Variants in C2orf76 observed in about 807,000 individuals in gnomAD.
C2orf76 encodes chromosome 2 open reading frame 76, also known as UPF0538 protein C2orf76.
C2orf76 carries 23 observed loss-of-function variants against 16.9 expected under a neutral mutation model. The ratio of observed to expected loss-of-function variants is 1.36; its 90% CI spans 0.98 to 1.93. The LOEUF is 1.93. Among genes scored for constraint, C2orf76 ranks in the 30% most tolerant of loss-of-function variants. The pLI, the probability that C2orf76 is intolerant of heterozygous loss-of-function variation, is 0.00. For missense variants in C2orf76, 152 were observed against 152.6 expected (o/e 1.00, Z 0.02); for synonymous variants, 48 against 52.3 (o/e 0.92, Z 0.35).
At chr2:119,355,711 T>C (rs899604296) in intron 1 of C2orf76, among the ~76,000 whole-genome samples, 5 of 152,166 alleles carry the variant, frequency 3.3e-5, no homozygotes, top group Admixed American at 6.5e-5. Flanking sequence ...TGATCTCAGA[T>C]GGGACAGTTT....
intron 5 of C2orf76, among the ~76,000 whole-genome samples, chr2:119,303,538 T>C (rs908227985): frequency 2.0e-5 from 3 of 152,168 alleles, no homozygotes; most frequent in African/African-American, 7.2e-5. Flanking sequence ...AGTAAAACTC[T>C]CCAAGTCAAA....
intron 4 of C2orf76, among the ~76,000 whole-genome samples, chr2:119,315,801 A>G (rs1371664575): frequency 6.6e-6 from 1 of 152,244 alleles, no homozygotes; most frequent in East Asian, 1.9e-4. Flanking sequence ...CTAATTTTAT[A>G]ACTAGAACCT....
intron 4 of C2orf76, among the ~76,000 whole-genome samples, chr2:119,313,958 T>C (rs1213190119): frequency 6.6e-6 from 1 of 151,938 alleles, no homozygotes; most frequent in Non-Finnish European, 1.5e-5. Context: ...TTCGGCCTTT[T>C]CTGTAAGTTA....
At chr2:119,335,345 A>G (rs1679814418) in intron 2 of C2orf76, among the ~76,000 whole-genome samples, 2 of 152,168 alleles carry the variant, frequency 1.3e-5, no homozygotes, top group Non-Finnish European at 2.9e-5. Context: ...ATTTTCCACT[A>G]AAAAAGAACT....
At chr2:119,336,327 A>G (rs1481462301) in intron 2 of C2orf76, among the ~76,000 whole-genome samples, 1 of 152,168 alleles carries the variant, frequency 6.6e-6, no homozygotes, top group Non-Finnish European at 1.5e-5. Flanking sequence ...CAGGAGCCAG[A>G]GGTTGTTAGC....
At chr2:119,346,179 T>G (rs577130207) in intron 1 of C2orf76, among the ~76,000 whole-genome samples, 6 of 152,008 alleles carry the variant, frequency 3.9e-5, no homozygotes, top group African/African-American at 1.4e-4. Context: ...TTCACATACA[T>G]TGCTGGTAGG....
chr2:119,296,097 T>G, the C2orf76 span, among the ~76,000 whole-genome samples: 57 of 152,304 alleles, frequency 3.7e-4, no homozygotes, highest in Admixed American at 2.0e-3. Flanking sequence ...TGGAAAGAAA[T>G]GACAAATGTC....
chr2:119,366,566 C>G, intron 1 of C2orf76: 1 of 467,258 alleles, frequency 2.1e-6, no homozygotes, highest in Non-Finnish European at 4.4e-6. Flanking sequence ...GGGTCCCGCC[C>G]GCCATTCCCA....
intron 1 of C2orf76, among the ~76,000 whole-genome samples, chr2:119,351,293 T>TCA (rs1680394686): frequency 6.6e-6 from 1 of 152,122 alleles, no homozygotes; most frequent in African/African-American, 2.4e-5. Flanking sequence ...ATAAGGCACA[T>TCA]CACAGCCTTC....
At chr2:119,350,957 T>C (rs775297358) in intron 1 of C2orf76, among the ~76,000 whole-genome samples, 9 of 152,200 alleles carry the variant, frequency 5.9e-5, no homozygotes, top group Non-Finnish European at 1.0e-4. Flanking sequence ...ATTGTTGATG[T>C]TACACTGATC....
intron 4 of C2orf76, among the ~76,000 whole-genome samples, chr2:119,315,762 A>C (rs965770570): frequency 1.3e-5 from 2 of 152,236 alleles, no homozygotes; most frequent in Admixed American, 1.3e-4. Context: ...CCCTTAAACA[A>C]ATACATTGTT....
At chr2:119,282,783 A>C in the C2orf76 span, among the ~76,000 whole-genome samples, 2 of 152,216 alleles carry the variant, frequency 1.3e-5, no homozygotes, top group Non-Finnish European at 2.9e-5. Flanking sequence ...AACAACAAAA[A>C]GGGGAAGAGA....
intron 5 of C2orf76, chr2:119,311,248 C>T (rs954878269): frequency 8.1e-6 from 8 of 985,276 alleles, no homozygotes; most frequent in African/African-American, 1.7e-5. Context: ...ACCAACAATG[C>T]GTTTCATTAT....
chr2:119,299,662 T>G (rs11683740), downstream of C2orf76, among the ~76,000 whole-genome samples: 27 of 152,216 alleles, frequency 1.8e-4, no homozygotes, highest in Non-Finnish European at 3.5e-4. Flanking sequence ...TTTTTGATTT[T>G]TTTTCTGTAT....
chr2:119,314,269 C>T (rs916868994), intron 4 of C2orf76, among the ~76,000 whole-genome samples: 6 of 151,860 alleles, frequency 4.0e-5, no homozygotes, highest in African/African-American at 1.2e-4. Flanking sequence ...TGTAATAAAC[C>T]CCCTGCCCTG....
chr2:119,341,307 C>T (rs1449962046), intron 1 of C2orf76, among the ~76,000 whole-genome samples: 1 of 152,180 alleles, frequency 6.6e-6, no homozygotes, highest in East Asian at 1.9e-4. Flanking sequence ...CCATGCCCAG[C>T]AACACTTTCT....
chr2:119,301,266 T>C (rs1218968236), downstream of C2orf76, among the ~76,000 whole-genome samples: 1 of 152,248 alleles, frequency 6.6e-6, no homozygotes, highest in African/African-American at 2.4e-5. Context: ...TTCAACACTT[T>C]GCTCCTGAAT....
At chr2:119,321,531 C>T (rs952651578) in intron 2 of C2orf76, among the ~76,000 whole-genome samples, 1 of 152,080 alleles carries the variant, frequency 6.6e-6, no homozygotes, top group Non-Finnish European at 1.5e-5. Context: ...GGGAACTGCC[C>T]TTTATAAAAC....
chr2:119,341,025 C>A (rs1680013133), intron 1 of C2orf76, among the ~76,000 whole-genome samples: 1 of 152,100 alleles, frequency 6.6e-6, no homozygotes, highest in Non-Finnish European at 1.5e-5. Context: ...CTCCCCAATT[C>A]CATCAGCATT....
Sources: gnomAD v4.1 joint callset for allele counts (sites outside exome capture counted in the v4.1 genomes callset) on GRCh38, gnomAD v4.1.1 for gene constraint, MANE v1.5 for transcripts, NCBI Gene and HGNC (gene_info 2026-07-23, HGNC 2026-07-21) for gene names.